Variants in SLC7A2 observed in about 807,000 individuals in gnomAD.
The protein encoded by SLC7A2 is cationic amino acid transporter 2.
Under a neutral mutation model 58.9 loss-of-function variants are expected in SLC7A2, and 48 were observed. The ratio of observed to expected loss-of-function variants is 0.82; its 90% CI spans 0.65 to 1.04. The LOEUF (loss-of-function observed/expected upper bound fraction) is 1.04. SLC7A2 is among the 50% of genes least tolerant of loss of function. SLC7A2 has a pLI of 0.00. For synonymous variants in SLC7A2, 363 were observed against 314.5 expected (o/e 1.15, Z -1.63); for missense variants, 1,029 against 818.8 (o/e 1.26, Z -3.13).
intron 7 of SLC7A2, among the ~76,000 whole-genome samples, chr8:17,553,716 C>T (rs2150760975): frequency 6.6e-6 from 1 of 152,238 alleles, no homozygotes; most frequent in Non-Finnish European, 1.5e-5. Flanking sequence ...AGTTTGAGGG[C>T]ACAGTGAGCT....
In SLC7A2 at chr8:17,544,516, C is replaced by G; in HGVS notation, c.442C>G (p.Gln148Glu). The G allele has an allele frequency of 6.2e-7, 1 of 1,613,890 alleles. No homozygotes were observed. The highest frequency in any genetic ancestry group is 8.5e-7 in the Non-Finnish European group (1 of 1,179,850). The change falls in exon 4 of 13, where the codon CAG becomes GAG. Residue 148 changes from glutamine to glutamate, a missense_variant. Physicochemically the swap from Gln to Glu is conservative, Grantham distance 29. Coordinates refer to ENST00000494857, the MANE Select transcript of SLC7A2 (RefSeq NM_001370338.1). ...FDELLSKQIG[Q>E]FLRTYFRMNY... ...TGAACTTCTTAGCAAACAGATTGGT[C>G]AGTTTTTGAGGACATACTTCAGAAT... is the stretch of plus-strand genomic sequence containing the variant.
At chr8:17,529,752 G>C (rs1563452265) in intron 2 of SLC7A2, among the ~76,000 whole-genome samples, 1 of 151,954 alleles carries the variant, frequency 6.6e-6, no homozygotes, top group African/African-American at 2.4e-5. Flanking sequence ...AGCTAGGCTG[G>C]TCTCGAACTC....
chr8:17,546,819 T>C (rs1167540492), intron 4 of SLC7A2, among the ~76,000 whole-genome samples: 3 of 152,280 alleles, frequency 2.0e-5, no homozygotes, highest in Non-Finnish European at 4.4e-5. Flanking sequence ...TTCACAGCAA[T>C]CATTTGCTCA....
chr8:17,552,015 C>T (rs1257387179), intron 7 of SLC7A2, 29 bp downstream of exon 7: 1 of 1,578,018 alleles, frequency 6.3e-7, no homozygotes, highest in South Asian at 1.1e-5. Context: ...GGGGCACGGG[C>T]TGTTTGGGAC....
intron 2 of SLC7A2, among the ~76,000 whole-genome samples, chr8:17,503,026 T>G (rs1205479388): frequency 6.6e-6 from 1 of 152,060 alleles, no homozygotes; most frequent in East Asian, 1.9e-4. Context: ...TTGCTTCAAG[T>G]AGAAAACATC....
At chr8:17,527,467 G>T (rs1011225637) in intron 2 of SLC7A2, among the ~76,000 whole-genome samples, 17 of 152,150 alleles carry the variant, frequency 1.1e-4, no homozygotes, top group Non-Finnish European at 2.5e-4. Flanking sequence ...ATTTCGTAGG[G>T]TTGCCATTCA....
intron 2 of SLC7A2, among the ~76,000 whole-genome samples, chr8:17,527,342 G>T (rs1001946145): frequency 6.6e-6 from 1 of 152,128 alleles, no homozygotes; most frequent in Non-Finnish European, 1.5e-5. Flanking sequence ...TTCATTCATT[G>T]GACAAATGTT....
upstream of SLC7A2, among the ~76,000 whole-genome samples, chr8:17,494,962 G>C (rs1043844245): frequency 6.6e-6 from 1 of 152,202 alleles, no homozygotes; most frequent in African/African-American, 2.4e-5. Flanking sequence ...TAAATTCAAA[G>C]ATCGGTATTC....
chr8:17,494,469 G>C (rs1799912871), upstream of SLC7A2, among the ~76,000 whole-genome samples: 1 of 152,120 alleles, frequency 6.6e-6, no homozygotes, highest in African/African-American at 2.4e-5. Context: ...AAAAGTGATG[G>C]CAATAAACCA....
intron 2 of SLC7A2, among the ~76,000 whole-genome samples, chr8:17,538,058 C>G (rs186925193): frequency 3.9e-5 from 6 of 152,278 alleles, no homozygotes; most frequent in Admixed American, 2.0e-4. Context: ...TACAGACTTC[C>G]CAGAATTCTC....
chr8:17,509,344 G>A (rs932201255), intron 2 of SLC7A2, among the ~76,000 whole-genome samples: 2 of 152,072 alleles, frequency 1.3e-5, no homozygotes, highest in Non-Finnish European at 2.9e-5. Flanking sequence ...GTTTCGCTCT[G>A]TCGCCCGTTG....
At chr8:17,543,855 C>G (rs200366113) in intron 3 of SLC7A2, 140 bp downstream of exon 3, 1 of 698,900 alleles carries the variant, frequency 1.4e-6, no homozygotes, top group Non-Finnish European at 2.2e-6. Context: ...GAAAATGTCT[C>G]CTTCTAATTA....
chr8:17,551,870 G>A lies in SLC7A2; in HGVS notation c.939G>A (p.Met313Ile), dbSNP rs1479075214. Residue 313 changes from methionine to isoleucine, a missense_variant, in exon 7 of 13, where the codon ATG becomes ATA. Coordinates refer to ENST00000494857, the MANE Select transcript of SLC7A2 (RefSeq NM_001370338.1). ...GGGTCTCTGCAGCTTTAACACTTAT[G>A]ATGCCGTACTACCTCCTCGATGAAA... The part of the protein sequence containing the change: ...YFGVSAALTL[M>I]MPYYLLDEKS... 1 of 1,613,868 alleles carries A rather than the reference G, an allele frequency of 6.2e-7. No homozygotes were observed. The highest frequency in any genetic ancestry group is 8.5e-7 in the Non-Finnish European group (1 of 1,179,966).
chr8:17,543,782 T>C (rs1802031513), intron 3 of SLC7A2, 67 bp downstream of exon 3: 3 of 1,421,384 alleles, frequency 2.1e-6, no homozygotes, highest in Admixed American at 4.7e-5. Flanking sequence ...TCACAGCCCT[T>C]AGGTTCAGTT....
At chr8:17,561,703 G>T (rs1802994743) in intron 10 of SLC7A2, among the ~76,000 whole-genome samples, 1 of 152,234 alleles carries the variant, frequency 6.6e-6, no homozygotes, top group Non-Finnish European at 1.5e-5. Context: ...GTAACACTAG[G>T]AGGGGCGGTT....
intron 2 of SLC7A2, among the ~76,000 whole-genome samples, chr8:17,509,104 T>C (rs990131412): frequency 1.3e-5 from 2 of 152,096 alleles, no homozygotes; most frequent in African/African-American, 2.4e-5. Flanking sequence ...CCAACTGTAA[T>C]TGAAAGTTCG....
intron 1 of SLC7A2, among the ~76,000 whole-genome samples, 158 bp from the exon 2 acceptor site, chr8:17,502,099 A>T (rs1234790542): frequency 6.6e-6 from 1 of 151,516 alleles, no homozygotes; most frequent in Admixed American, 6.6e-5. Context: ...CCATATGTAT[A>T]TATAATTATA....
At position 17,565,205 on chromosome 8, in the gene SLC7A2, C is replaced by T. The variant is rs548268454; in HGVS notation, c.*59C>T. ...CATACATATCCTACACTGAGTAAAC[C>T]GTAACGGGATGTCATCAGCATGCTG... is the stretch of plus-strand genomic sequence containing the variant. On this transcript the variant is annotated 3_prime_UTR_variant, in exon 13 of 13. Coordinates refer to ENST00000494857, the MANE Select transcript of SLC7A2 (RefSeq NM_001370338.1). 1.1e-4 allele frequency: 141 copies of T among 1,341,918 alleles called. No individual in the cohort carries two copies. The highest frequency in any genetic ancestry group is 1.4e-4 in the Non-Finnish European group (133 of 969,434). 83.1% of individuals were successfully genotyped at this position (1,341,918 alleles called of 1,614,324 possible).
intron 2 of SLC7A2, among the ~76,000 whole-genome samples, chr8:17,533,543 G>A (rs1337822659): frequency 6.6e-6 from 1 of 152,114 alleles, no homozygotes; most frequent in African/African-American, 2.4e-5. Flanking sequence ...GTGGGTGCAG[G>A]GTGGTGATTT....
Sources: gnomAD v4.1 joint callset for allele counts (sites outside exome capture counted in the v4.1 genomes callset) on GRCh38, gnomAD v4.1.1 for gene constraint, MANE v1.5 for transcripts, NCBI Gene and HGNC (gene_info 2026-07-23, HGNC 2026-07-21) for gene names.